GPC3: variants seen among roughly 807,000 people sequenced by gnomAD.
The protein encoded by GPC3 is glypican-3.
Under a neutral mutation model 34.4 loss-of-function variants are expected in GPC3, and 3 were observed. The ratio of observed to expected loss-of-function variants is 0.09; its 90% confidence interval spans 0.04 to 0.23. GPC3 has a LOEUF of 0.23. Among genes scored for constraint, GPC3 ranks in the 10% least tolerant of loss-of-function variants. The pLI is 1.00. For missense variants in GPC3, 351 were observed against 445.6 expected, an observed-to-expected ratio of 0.79 and a Z score of 1.91; for synonymous variants, 177 against 174.0, an observed-to-expected ratio of 1.02 and a Z score of -0.13.
intron 3 of GPC3, among the ~76,000 whole-genome samples, chrX:133,703,384 C>T (rs935275396): frequency 2.7e-5 from 3 of 110,320 alleles, no homozygotes; most frequent in Non-Finnish European, 5.7e-5. Flanking sequence ...ACAAGGAAAG[C>T]AATAGTGCTC....
rs781579862 is a variant in GPC3 at position 133,718,140 on chromosome X, A to C, written c.1033-18112T>G. ...ATCCACAAAGTTTACTATATAGGTT[A>C]ATATGGAAAACAGTATAAATATATT... On this transcript the variant is annotated intron_variant, in intron 3 of 7. Coordinates refer to ENST00000370818, the MANE Select transcript of GPC3 (RefSeq NM_004484.4). Among the ~76,000 whole-genome samples, 11 of 112,235 alleles carry C rather than the reference A, an allele frequency of 9.8e-5. No individual in the cohort carries two copies. In the South Asian group the frequency reaches 4.1e-3, roughly 42 times the overall value.
At chrX:133,836,257 A>G (rs1051226386) in intron 2 of GPC3, among the ~76,000 whole-genome samples, 3 of 113,476 alleles carry the variant, frequency 2.6e-5, no homozygotes, top group Non-Finnish European at 1.9e-5. Flanking sequence ...TTGGATTTTC[A>G]TGACAGCACA....
intron 5 of GPC3, among the ~76,000 whole-genome samples, chrX:133,686,223 G>A (rs1286526952): frequency 1.8e-5 from 2 of 111,287 alleles, no homozygotes; most frequent in Non-Finnish European, 3.8e-5. Context: ...ACAGAGATGA[G>A]GTCTGGTGAT....
intron 3 of GPC3, among the ~76,000 whole-genome samples, chrX:133,747,226 C>T (rs751677813): frequency 8.0e-5 from 9 of 111,844 alleles, no homozygotes; most frequent in Non-Finnish European, 1.3e-4. Flanking sequence ...GTCCAATCGG[C>T]AGATTTCCAA....
At chrX:133,891,048 A>G (rs73568913) in intron 2 of GPC3, among the ~76,000 whole-genome samples, 88 of 110,112 alleles carry the variant, frequency 8.0e-4, no homozygotes, top group African/African-American at 2.7e-3. Flanking sequence ...AATAAAGAAA[A>G]ATAAATAAAA....
At chrX:133,658,646 A>G (rs1428360485) in intron 6 of GPC3, among the ~76,000 whole-genome samples, 4 of 112,186 alleles carry the variant, frequency 3.6e-5, no homozygotes, top group Non-Finnish European at 7.5e-5. Flanking sequence ...AAAAAAATCA[A>G]TGTGGGTGTT....
chrX:133,768,627 T>C, intron 2 of GPC3, among the ~76,000 whole-genome samples: 1 of 111,744 alleles, frequency 8.9e-6, no homozygotes, highest in Middle Eastern at 4.7e-3. Context: ...AAGTGTCCCT[T>C]GACAGATGAA....
chrX:133,562,615 AGT>A (rs1179684498), intron 7 of GPC3, among the ~76,000 whole-genome samples: 2 of 111,165 alleles, frequency 1.8e-5, no homozygotes, highest in African/African-American at 3.3e-5. Flanking sequence ...TGGGCGAAAG[AGT>A]GAGAATCGGT....
intron 6 of GPC3, among the ~76,000 whole-genome samples, chrX:133,653,683 A>G (rs1167398172): frequency 8.9e-6 from 1 of 112,157 alleles, no homozygotes; most frequent in Non-Finnish European, 1.9e-5. Flanking sequence ...ACTAAGGTAT[A>G]CTTGTTAGGC....
intron 6 of GPC3, among the ~76,000 whole-genome samples, chrX:133,647,970 G>A (rs1052124390): frequency 8.9e-6 from 1 of 112,080 alleles, no homozygotes; most frequent in African/African-American, 3.2e-5. Context: ...ATCTCTGCAG[G>A]TACTAGAAAT....
chrX:133,536,443 G>C (rs1310919733), intron 7 of GPC3, 150 bp from the exon 8 acceptor site: 2 of 166,342 alleles, frequency 1.2e-5, no homozygotes, highest in African/African-American at 7.0e-5. Flanking sequence ...CTGTGAGATG[G>C]GAAAAAGAAG....
chrX:133,749,660 C>T (rs1022736429), intron 3 of GPC3, among the ~76,000 whole-genome samples: 1 of 111,595 alleles, frequency 9.0e-6, no homozygotes, highest in Non-Finnish European at 1.9e-5. Flanking sequence ...GGCTTAAAGC[C>T]AGCTCGAAAG....
intron 3 of GPC3, among the ~76,000 whole-genome samples, chrX:133,736,244 A>G (rs191560505): frequency 1.5e-4 from 17 of 112,193 alleles, no homozygotes; most frequent in African/African-American, 5.5e-4. Flanking sequence ...GTTGGTGTGG[A>G]TGTGGAGAAA....
chrX:133,955,040 C>T (rs2076410920), intron 1 of GPC3, among the ~76,000 whole-genome samples: 1 of 111,144 alleles, frequency 9.0e-6, no homozygotes, highest in South Asian at 3.8e-4. Flanking sequence ...TGAGCCACTG[C>T]CAGACTCTTT....
intron 2 of GPC3, among the ~76,000 whole-genome samples, chrX:133,844,414 A>G (rs889090544): frequency 7.2e-5 from 8 of 111,509 alleles, no homozygotes; most frequent in African/African-American, 9.8e-5. Flanking sequence ...ATTCAGTCAC[A>G]CTTTAACAAA....
chrX:133,559,583 G>A (rs1343976685), intron 7 of GPC3, among the ~76,000 whole-genome samples: 1 of 111,287 alleles, frequency 9.0e-6, no homozygotes, highest in Non-Finnish European at 1.9e-5. Flanking sequence ...GGCAGAGCCT[G>A]TGGAGTGTTC....
chrX:133,629,068 A>C (rs1163082546), intron 6 of GPC3, among the ~76,000 whole-genome samples: 1 of 112,523 alleles, frequency 8.9e-6, no homozygotes, highest in Non-Finnish European at 1.9e-5. Flanking sequence ...TTTCATGCTC[A>C]GCTTACAAAT....
intron 7 of GPC3, among the ~76,000 whole-genome samples, chrX:133,594,440 C>T (rs1351660823): frequency 3.6e-5 from 4 of 111,835 alleles, no homozygotes; most frequent in Non-Finnish European, 3.8e-5. Flanking sequence ...TAGGATTATC[C>T]ACAACAGCCA....
intron 2 of GPC3, among the ~76,000 whole-genome samples, chrX:133,815,702 C>T (rs989497223): frequency 5.4e-5 from 6 of 111,995 alleles, no homozygotes; most frequent in African/African-American, 1.6e-4. Flanking sequence ...CATATGACAT[C>T]CCATAGGGAG....
Sources: gnomAD v4.1 joint callset for allele counts (sites outside exome capture counted in the v4.1 genomes callset) on GRCh38, gnomAD v4.1.1 for gene constraint, MANE v1.5 for transcripts, NCBI Gene and HGNC (gene_info 2026-07-23, HGNC 2026-07-21) for gene names.